The following CCNY variants were observed in gnomAD, a reference collection of about 807,000 sequenced individuals.
CCNY encodes the protein cyclin Y, also known as cyclin-Y.
A neutral mutation model predicts 42.8 loss-of-function variants in CCNY; 19 were observed. That is an observed-to-expected ratio of 0.44 (90% confidence interval 0.31 to 0.65). CCNY has a LOEUF of 0.65. CCNY is among the 30% of genes least tolerant of loss of function. The pLI, the probability that CCNY is intolerant of heterozygous loss-of-function variation, is 0.07. For missense variants in CCNY, 370 were observed against 437.3 expected (o/e 0.85, Z 1.37); for synonymous variants, 165 against 162.7 (o/e 1.01, Z -0.11).
intron 2 of CCNY, among the ~76,000 whole-genome samples, chr10:35,495,717 C>T (rs1276957180): frequency 1.3e-5 from 2 of 152,106 alleles, no homozygotes; most frequent in African/African-American, 4.8e-5. Context: ...GGGAAATGGC[C>T]ACACCAGGAT....
chr10:35,414,859 A>C (rs571728893), intron 1 of CCNY, among the ~76,000 whole-genome samples: 1 of 152,194 alleles, frequency 6.6e-6, no homozygotes, highest in Non-Finnish European at 1.5e-5. Flanking sequence ...AGCGGGGTAC[A>C]TCACAAATGC....
chr10:35,443,793 T>C (rs577727847), intron 1 of CCNY, among the ~76,000 whole-genome samples: 1 of 152,378 alleles, frequency 6.6e-6, no homozygotes, highest in South Asian at 2.1e-4. Flanking sequence ...CTGTTCCTCT[T>C]CCTTATTTGG....
intron 3 of CCNY, among the ~76,000 whole-genome samples, chr10:35,253,414 A>AATTTTTTTTTTTTTTTTTTTTTTTTT (rs775450185): frequency 1.1e-5 from 1 of 89,036 alleles, no homozygotes. Context: ...CATGCTCACT[A>AATTTTTTTTTTTTTTTTTTTTTTTTT]TTTTTTTTTT....
intron 1 of CCNY, among the ~76,000 whole-genome samples, chr10:35,392,910 G>C (rs1837444374): frequency 6.6e-6 from 1 of 152,186 alleles, no homozygotes; most frequent in South Asian, 2.1e-4. Flanking sequence ...TTTTTCTTGG[G>C]TCCTGTCTTC....
At chr10:35,562,034 C>G (rs542348168) in intron 8 of CCNY, among the ~76,000 whole-genome samples, 1 of 152,126 alleles carries the variant, frequency 6.6e-6, no homozygotes, top group African/African-American at 2.4e-5. Context: ...AAGTGGCAAC[C>G]GCTGTGGATG....
chr10:35,436,581 C>A (rs943832697), intron 1 of CCNY, among the ~76,000 whole-genome samples: 1 of 152,236 alleles, frequency 6.6e-6, no homozygotes, highest in East Asian at 1.9e-4. Flanking sequence ...GGCAGAGCTT[C>A]GTGGAAGGAC....
intron 8 of CCNY, among the ~76,000 whole-genome samples, chr10:35,557,071 C>T (rs992386280): frequency 6.6e-6 from 1 of 152,058 alleles, no homozygotes; most frequent in Non-Finnish European, 1.5e-5. Flanking sequence ...GTCTCAAACT[C>T]CTGACCTTAG....
intron 3 of CCNY, among the ~76,000 whole-genome samples, chr10:35,516,229 A>G (rs924139598): frequency 4.6e-5 from 7 of 152,142 alleles, no homozygotes; most frequent in African/African-American, 1.7e-4. Context: ...GGGGCAGGTG[A>G]TTTTTGTGGA....
At chr10:35,421,631 G>C (rs910014260) in intron 1 of CCNY, among the ~76,000 whole-genome samples, 3 of 152,132 alleles carry the variant, frequency 2.0e-5, no homozygotes, top group African/African-American at 7.2e-5. Flanking sequence ...CGTGTTGCCT[G>C]GTGCTCTTCT....
At chr10:35,377,155 T>A (rs1004263596) in intron 1 of CCNY, among the ~76,000 whole-genome samples, 3 of 152,102 alleles carry the variant, frequency 2.0e-5, no homozygotes, top group African/African-American at 4.8e-5. Flanking sequence ...AATTACTTTT[T>A]AAAAAAATAT....
At chr10:35,484,091 G>C (rs1428461979) in intron 2 of CCNY, among the ~76,000 whole-genome samples, 1 of 152,186 alleles carries the variant, frequency 6.6e-6, no homozygotes. Context: ...GCAGAGGAGA[G>C]AGAAGATAAA....
At chr10:35,417,830 TG>T (rs1052220045) in intron 1 of CCNY, among the ~76,000 whole-genome samples, 3 of 152,222 alleles carry the variant, frequency 2.0e-5, no homozygotes, top group Non-Finnish European at 4.4e-5. Flanking sequence ...ATCCTGTCTC[TG>T]GGTTGACAGA....
chr10:35,458,101 G>A (rs1462509199), intron 1 of CCNY, among the ~76,000 whole-genome samples: 1 of 152,200 alleles, frequency 6.6e-6, no homozygotes, highest in East Asian at 1.9e-4. Flanking sequence ...CCTGAAAGGG[G>A]GAAAAAGTGG....
chr10:35,390,076 C>A (rs1443576060), intron 1 of CCNY, among the ~76,000 whole-genome samples: 4 of 152,188 alleles, frequency 2.6e-5, no homozygotes, highest in Admixed American at 6.5e-5. Context: ...ATTATACTTT[C>A]AAAATGTGAG....
intron 7 of CCNY, among the ~76,000 whole-genome samples, chr10:35,536,997 C>T (rs1053821245): frequency 1.4e-4 from 22 of 152,182 alleles, no homozygotes; most frequent in Non-Finnish European, 2.4e-4. Context: ...GCAACCCCTC[C>T]CATCACAGGC....
At chr10:35,460,242 G>A (rs907401621) in intron 1 of CCNY, among the ~76,000 whole-genome samples, 30 of 152,072 alleles carry the variant, frequency 2.0e-4, no homozygotes, top group African/African-American at 6.8e-4. Context: ...TCTCTCTCTC[G>A]TATATCTCTA....
intron 7 of CCNY, among the ~76,000 whole-genome samples, chr10:35,534,430 C>T (rs1840837254): frequency 6.6e-6 from 1 of 152,110 alleles, no homozygotes. Context: ...TCTGTAGAGC[C>T]ACAGCAATGG....
chr10:35,269,550 C>A (rs1345802132), intron 3 of CCNY, among the ~76,000 whole-genome samples: 2 of 152,000 alleles, frequency 1.3e-5, no homozygotes, highest in African/African-American at 4.8e-5. Flanking sequence ...AGTGATCCAC[C>A]CTCCTCAACC....
At chr10:35,464,857 A>G (rs1175412938) in intron 1 of CCNY, among the ~76,000 whole-genome samples, 1 of 152,106 alleles carries the variant, frequency 6.6e-6, no homozygotes, top group African/African-American at 2.4e-5. Flanking sequence ...CCTTTTTTCT[A>G]GCTTTCAGGG....
Sources: gnomAD v4.1 joint callset for allele counts (sites outside exome capture counted in the v4.1 genomes callset) on GRCh38, gnomAD v4.1.1 for gene constraint, MANE v1.5 for transcripts, NCBI Gene and HGNC (gene_info 2026-07-23, HGNC 2026-07-21) for gene names.